MX2: variants seen among roughly 807,000 people sequenced by gnomAD.
MX2 encodes interferon-induced GTP-binding protein Mx2.
Under a neutral mutation model 74.0 loss-of-function variants are expected in MX2, and 51 were observed. The ratio of observed to expected loss-of-function variants is 0.69; its 90% CI spans 0.55 to 0.87. The LOEUF (loss-of-function observed/expected upper bound fraction) is 0.87, where lower values mean the gene tolerates loss of function less well. Among genes scored for constraint, MX2 ranks in the 40% least tolerant of loss-of-function variants. The probability of loss-of-function intolerance (pLI) is 0.00; values close to 1 mark genes in which losing one functional copy is unlikely to be tolerated. For synonymous variants in MX2, 369 were observed against 339.3 expected (o/e 1.09, Z -0.96); for missense variants, 832 against 908.7 (o/e 0.92, Z 1.09).
At chr21:41,378,302 A>ACTGGGAGAGACAGGCCG (rs1410928138) in intron 3 of MX2, among the ~76,000 whole-genome samples, 13,803 of 124,398 alleles carry the variant, frequency 0.11, 1,390 homozygotes, top group African/African-American at 0.34. Context: ...GAGACAGATC[A>ACTGGGAGAGACAGGCCG]CTGGGAGAGA....
chr21:41,389,566 A>G (rs994076444), intron 5 of MX2: 1 of 152,174 alleles, frequency 6.6e-6, no homozygotes, highest in East Asian at 1.9e-4. Context: ...ACATACATAC[A>G]TACATAAAAA....
At chr21:41,381,684 C>CAAAAAAAAAAAAAA (rs57350601) in intron 4 of MX2, among the ~76,000 whole-genome samples, 5 of 58,456 alleles carry the variant, frequency 8.6e-5, no homozygotes, top group African/African-American at 2.3e-4. Context: ...GACTCTGTCT[C>CAAAAAAAAAAAAAA]AAAAAAAAAA....
At chr21:41,407,485 A>G (rs1472983346) in intron 13 of MX2, among the ~76,000 whole-genome samples, 3 of 152,308 alleles carry the variant, frequency 2.0e-5, no homozygotes, top group African/African-American at 7.2e-5. Flanking sequence ...TCTATCCAAT[A>G]TGCAAGTATC....
Position 41,377,911 on chromosome 21 carries a change from C to T in MX2, c.372C>T (p.Ile124=), listed in dbSNP as rs202153060. The T allele has an allele frequency of 1.6e-5, 26 of 1,614,094 alleles. No homozygotes were observed. The highest frequency in any genetic ancestry group is 1.1e-4 in the African/African-American group (8 of 74,944). The stretch of plus-strand genomic sequence containing the variant: ...TGGCCCTGCCAGCCATCGCCGTCAT[C>T]GGGGACCAGAGCTCGGGCAAGAGCT... ...QDLALPAIAV[I]GDQSSGKSSV... The change falls in exon 3 of 14, where the codon ATC becomes ATT. Residue 124 remains isoleucine, a synonymous_variant. Coordinates refer to ENST00000330714, the MANE Select transcript of MX2 (RefSeq NM_002463.2).
intron 7 of MX2, among the ~76,000 whole-genome samples, chr21:41,396,966 C>T (rs1434986358): frequency 2.0e-5 from 3 of 152,192 alleles, no homozygotes; most frequent in Admixed American, 6.5e-5. Context: ...GTTGCCAGTC[C>T]AGGGACCTCC....
intron 10 of MX2, 49 bp from the exon 11 acceptor site, chr21:41,401,921 G>A (rs377707262): frequency 1.4e-5 from 22 of 1,580,922 alleles, no homozygotes; most frequent in Middle Eastern, 1.7e-4. Flanking sequence ...GCTTTACGAC[G>A]TCTGCAGAAT....
intron 7 of MX2, among the ~76,000 whole-genome samples, chr21:41,396,771 C>A (rs1040750720): frequency 6.6e-6 from 1 of 152,180 alleles, no homozygotes; most frequent in Admixed American, 6.5e-5. Flanking sequence ...GAGAAGAAAA[C>A]TCTCCTCCTT....
chr21:41,407,921 G>A, intron 13 of MX2, 70 bp from the exon 14 acceptor site: 1 of 1,588,214 alleles, frequency 6.3e-7, no homozygotes, highest in South Asian at 1.1e-5. Context: ...GGAACTCCAT[G>A]CCTTCTCTCT....
At chr21:41,375,846 G>A (rs1272588805) in intron 1 of MX2, among the ~76,000 whole-genome samples, 1 of 152,208 alleles carries the variant, frequency 6.6e-6, no homozygotes, top group Non-Finnish European at 1.5e-5. Context: ...AGAGGAAAGG[G>A]GGATACAGTG....
intron 8 of MX2, 52 bp from the exon 9 acceptor site, chr21:41,398,845 G>C (rs2089769766): frequency 6.3e-7 from 1 of 1,588,710 alleles, no homozygotes; most frequent in Admixed American, 1.7e-5. Flanking sequence ...AAAGAAATCA[G>C]TTGGCCAATC....
At chr21:41,395,299 C>G (rs968522240) in intron 6 of MX2, among the ~76,000 whole-genome samples, 3 of 152,150 alleles carry the variant, frequency 2.0e-5, no homozygotes, top group Non-Finnish European at 4.4e-5. Flanking sequence ...CCAGTCCATT[C>G]TAACCATGCA....
intron 1 of MX2, among the ~76,000 whole-genome samples, 167 bp from the exon 2 acceptor site, chr21:41,376,669 G>A (rs952224046): frequency 1.4e-4 from 22 of 152,308 alleles, no homozygotes; most frequent in Admixed American, 1.2e-3. Flanking sequence ...CTCTGTGGCT[G>A]CCAAGAGCCC....
In MX2 at chr21:41,402,188, T is replaced by C; in HGVS notation, c.1573+60T>C. On this transcript the variant is annotated intron_variant, in intron 11 of 13. Transcript: ENST00000330714. This position sits in a 1 kb window ranked among gnomAD's most constrained non-coding sequence, Gnocchi z 4.5. ...CTCTCATACCTTCCATAGACCCCAG[T>C]GCCTTGGAGGGAGAGATTGGAATGG... The C allele has an allele frequency of 6.5e-7, 1 of 1,537,094 alleles. No homozygotes were observed. Among genetic ancestry groups the C allele is most frequent in the Non-Finnish European group, 8.8e-7 (1 of 1,139,072 alleles).
At position 41,382,435 on chromosome 21, in the gene MX2, CCGGGGCAT is replaced by C. The variant is rs767355912; in HGVS notation, c.605_612del (p.Arg202GlnfsTer3). On this transcript the variant is annotated frameshift_variant, in exon 5 of 14. Transcript: ENST00000330714. LOFTEE classifies it high-confidence loss of function. Reference sequence around the variant, plus strand: ...CCCAGAACGTCATGGCCGGGAATGGCCGGGGCATCAGCCATGAGCTCATCAGCCTGGAG... The same window carrying C: ...CCCAGAACGTCATGGCCGGGAATGGCCAGCCATGAGCTCATCAGCCTGGAG... 1.7e-5 allele frequency: 28 copies of C among 1,614,024 alleles called. No individual in the cohort carries two copies. The African/African-American group carries it at 3.6e-4, about 21-fold the overall frequency.
rs756372598 is a variant in MX2 at position 41,399,142 on chromosome 21, C to T, written c.1273-54C>T. The T allele has an allele frequency of 5.0e-6, 8 of 1,603,010 alleles. No homozygotes were observed. In the Admixed American group the frequency reaches 5.1e-5, roughly 10 times the overall value. On this transcript the variant is annotated intron_variant, in intron 9 of 13. Transcript: ENST00000330714. ...GTGGACATCTCCTTGCAACGCCGGT[C>T]CCAGTTCTTTCATATGATTTCCGCA...
chr21:41,407,054 G>A, intron 13 of MX2, 56 bp downstream of exon 13: 2 of 1,569,672 alleles, frequency 1.3e-6, no homozygotes, highest in Non-Finnish European at 1.7e-6. Context: ...AGCTGAGTAG[G>A]GGCTATGCTA....
intron 11 of MX2, 24 bp from the exon 12 acceptor site, chr21:41,403,243 C>A: frequency 6.7e-7 from 1 of 1,483,480 alleles, no homozygotes; most frequent in South Asian, 1.1e-5. Context: ...TCTTCTTCTT[C>A]TCCTTTTTGC....
intron 5 of MX2, among the ~76,000 whole-genome samples, chr21:41,385,975 C>T (rs1000312570): frequency 4.0e-5 from 6 of 151,882 alleles, no homozygotes; most frequent in Non-Finnish European, 8.8e-5. Context: ...CTCAGAGCTG[C>T]CACAAACCTT....
chr21:41,382,920 A>G (rs1258666561), intron 5 of MX2, among the ~76,000 whole-genome samples: 1 of 152,206 alleles, frequency 6.6e-6, no homozygotes, highest in East Asian at 1.9e-4. Flanking sequence ...GCAATATTTT[A>G]AAAAATGAAT....
Sources: gnomAD v4.1 joint callset for allele counts (sites outside exome capture counted in the v4.1 genomes callset) on GRCh38, gnomAD v4.1.1 for gene constraint, Gnocchi (gnomAD v3.1) non-coding constraint, MANE v1.5 for transcripts, NCBI Gene and HGNC (gene_info 2026-07-23, HGNC 2026-07-21) for gene names.